The following WWOX variants were observed in gnomAD, a reference collection of about 807,000 sequenced individuals.
The protein encoded by WWOX is WW domain containing oxidoreductase.
In WWOX, 69 loss-of-function variants were observed where a neutral mutation model predicts 46.2. The ratio of observed to expected loss-of-function variants is 1.49; its 90% CI spans 1.23 to 1.82. The LOEUF (loss-of-function observed/expected upper bound fraction) is 1.82, where lower values mean the gene tolerates loss of function less well. WWOX is among the 40% of genes most tolerant of loss of function. The pLI is 0.00. For missense variants in WWOX, 919 were observed against 542.6 expected (o/e 1.69, Z -6.89); for synonymous variants, 359 against 202.6 (o/e 1.77, Z -6.56).
intron 8 of WWOX, among the ~76,000 whole-genome samples, chr16:78,883,629 C>T (rs1481365979): frequency 6.6e-6 from 1 of 151,318 alleles, no homozygotes; most frequent in African/African-American, 2.4e-5. Context: ...GAGGCTGAAG[C>T]AGGAGAATTG....
chr16:78,770,775 G>A (rs1460317342), intron 8 of WWOX, among the ~76,000 whole-genome samples: 2 of 123,160 alleles, frequency 1.6e-5, no homozygotes, highest in African/African-American at 6.3e-5. Context: ...AGCTGGACAT[G>A]GCGTCCGCTG....
intron 8 of WWOX, among the ~76,000 whole-genome samples, chr16:78,735,602 A>G (rs2049072281): frequency 6.6e-6 from 1 of 152,212 alleles, no homozygotes; most frequent in African/African-American, 2.4e-5. Context: ...GTCTGCAGGC[A>G]TGGGCCTGCC....
chr16:79,023,861 C>T (rs1260689700), intron 8 of WWOX, among the ~76,000 whole-genome samples: 2 of 151,646 alleles, frequency 1.3e-5, no homozygotes, highest in Non-Finnish European at 2.9e-5. Flanking sequence ...GAGGCTGAGG[C>T]AGGAGAATCA....
chr16:78,362,513 G>T (rs2081433310), intron 5 of WWOX, among the ~76,000 whole-genome samples: 1 of 152,098 alleles, frequency 6.6e-6, no homozygotes, highest in African/African-American at 2.4e-5. Flanking sequence ...GGAGGCTGAG[G>T]CAGCAGAATT....
chr16:78,821,205 C>G (rs758571691), intron 8 of WWOX, among the ~76,000 whole-genome samples: 4 of 152,154 alleles, frequency 2.6e-5, no homozygotes, highest in Non-Finnish European at 1.5e-5. Context: ...TCACACCCAT[C>G]TACTTATCCC....
At chr16:78,780,772 C>T (rs990764529) in intron 8 of WWOX, among the ~76,000 whole-genome samples, 2 of 152,084 alleles carry the variant, frequency 1.3e-5, no homozygotes, top group African/African-American at 2.4e-5. Context: ...GAAAGGGGCC[C>T]GTATGGCTAG....
intron 5 of WWOX, among the ~76,000 whole-genome samples, chr16:78,309,902 T>C (rs888531849): frequency 1.3e-5 from 2 of 152,188 alleles, no homozygotes; most frequent in Non-Finnish European, 2.9e-5. Flanking sequence ...TAAATAGGGA[T>C]AATAATTGGA....
chr16:78,665,290 G>C (rs1036251838), intron 8 of WWOX, among the ~76,000 whole-genome samples: 1 of 152,170 alleles, frequency 6.6e-6, no homozygotes, highest in Non-Finnish European at 1.5e-5. Context: ...AGAGAAGAGA[G>C]TTTTCAGTTA....
chr16:78,610,931 A>C (rs1239648246), intron 8 of WWOX, among the ~76,000 whole-genome samples: 3 of 152,164 alleles, frequency 2.0e-5, no homozygotes, highest in Admixed American at 2.0e-4. Flanking sequence ...GACAGTGAGA[A>C]CGAACGGAAT....
intron 8 of WWOX, among the ~76,000 whole-genome samples, chr16:78,448,509 A>G (rs193301922): frequency 3.9e-5 from 6 of 152,126 alleles, no homozygotes; most frequent in African/African-American, 1.4e-4. Flanking sequence ...GGTGCCCCAA[A>G]AGAATGGGGT....
rs955945358 is a variant in WWOX at position 79,142,735 on chromosome 16, G to A, written c.1057-68873G>A. Reference sequence around the variant, plus strand: ...TCTTTTTGAGATAGGGTCTCATTCCGTTCCCTAGGCGGGACTGCAGTGGCA... The same window carrying A: ...TCTTTTTGAGATAGGGTCTCATTCCATTCCCTAGGCGGGACTGCAGTGGCA... On this transcript the variant is annotated intron_variant, in intron 8 of 8. Coordinates refer to ENST00000566780, the MANE Select transcript of WWOX (RefSeq NM_016373.4). 1.4e-4 allele frequency among the ~76,000 whole-genome samples: 21 copies of A among 152,046 alleles called. No homozygotes were observed. In the East Asian group the frequency reaches 1.9e-3, roughly 14 times the overall value.
rs74862029 is a variant in WWOX, at chr16:79,125,500, G to C, written c.1057-86108G>C. On this transcript the variant is annotated intron_variant, in intron 8 of 8. Coordinates refer to ENST00000566780, the MANE Select transcript of WWOX (RefSeq NM_016373.4). ...GTGGCATTTTTATGGGATCCAGTAC[G>C]CCCAGGCTCAAATGATAGACATTTC... 6.8e-3 allele frequency among the ~76,000 whole-genome samples: 1,036 copies of C among 152,230 alleles called. 11 individuals are homozygous for C. Among genetic ancestry groups the C allele is most frequent in the African/African-American group, 0.024 (999 of 41,536 alleles).
intron 5 of WWOX, among the ~76,000 whole-genome samples, chr16:78,314,250 C>CAA (rs1057159734): frequency 6.6e-6 from 1 of 150,882 alleles, no homozygotes; most frequent in Non-Finnish European, 1.5e-5. Flanking sequence ...ACTAAAAATA[C>CAA]AAAAAAAATT....
In WWOX at chr16:78,877,186, C is replaced by T. The variant is rs546710229; in HGVS notation, c.1057-334422C>T. ...GAAACGAGAAAAGTTATTCCTATTT[C>T]ATCCATCTAAGACTTTATATCCCAT... On this transcript the variant is annotated intron_variant, in intron 8 of 8. Transcript: ENST00000566780. Among the ~76,000 whole-genome samples the T allele has an allele frequency of 1.1e-4, 17 of 152,272 alleles. No homozygotes were observed. The East Asian group carries it at 3.1e-3, about 28-fold the overall frequency.
intron 8 of WWOX, among the ~76,000 whole-genome samples, chr16:78,503,064 C>T (rs1025547755): frequency 1.3e-5 from 2 of 152,190 alleles, no homozygotes; most frequent in African/African-American, 2.4e-5. Flanking sequence ...AGCCTTCTAA[C>T]AACATTGCCT....
chr16:78,627,048 C>G (rs943032979), intron 8 of WWOX, among the ~76,000 whole-genome samples: 1 of 152,104 alleles, frequency 6.6e-6, no homozygotes, highest in Non-Finnish European at 1.5e-5. Flanking sequence ...TTCCCCCCAC[C>G]TCATACATAC....
chr16:78,618,314 C>T (rs2046080833), intron 8 of WWOX, among the ~76,000 whole-genome samples: 1 of 152,178 alleles, frequency 6.6e-6, no homozygotes, highest in Non-Finnish European at 1.5e-5. Flanking sequence ...GGTCAGGTGG[C>T]TTAAACAACA....
intron 8 of WWOX, among the ~76,000 whole-genome samples, chr16:79,208,784 G>C (rs2051610430): frequency 6.6e-6 from 1 of 152,198 alleles, no homozygotes; most frequent in Non-Finnish European, 1.5e-5. Flanking sequence ...TTACTAAACT[G>C]TCATCACATC....
At chr16:78,374,355 C>G (rs2081765423) in intron 5 of WWOX, among the ~76,000 whole-genome samples, 1 of 151,840 alleles carries the variant, frequency 6.6e-6, no homozygotes, top group Non-Finnish European at 1.5e-5. Context: ...GAAATCCTTC[C>G]CCCCATAAAA....
Sources: allele counts gnomAD v4.1 joint callset (sites outside exome capture counted in the v4.1 genomes callset), GRCh38; gene constraint gnomAD v4.1.1; transcripts MANE v1.5; gene names NCBI Gene and HGNC (gene_info 2026-07-23, HGNC 2026-07-21).